The following FGFR2 variants were observed in gnomAD, a reference collection of about 807,000 sequenced individuals.
The protein encoded by FGFR2 is BEK fibroblast growth factor receptor.
FGFR2 carries 19 observed loss-of-function variants against 95.9 expected under a neutral mutation model. The ratio of observed to expected loss-of-function variants is 0.20; its 90% CI spans 0.14 to 0.29. The LOEUF is 0.29. Ranked by LOEUF, FGFR2 falls within the 10% of genes least tolerant of loss-of-function variation. The pLI is 1.00. For synonymous variants in FGFR2, 392 were observed against 393.3 expected (o/e 1.00, Z 0.04); for missense variants, 707 against 1,056.9 (o/e 0.67, Z 4.59).
At chr10:121,571,137 TGCC>T (rs1254334593) in intron 2 of FGFR2, among the ~76,000 whole-genome samples, 1 of 149,456 alleles carries the variant, frequency 6.7e-6, no homozygotes, top group Non-Finnish European at 1.5e-5. Flanking sequence ...TACAGGAGCC[TGCC>T]ACCACACCTG....
chr10:121,579,287 G>C (rs1011062901), intron 2 of FGFR2, among the ~76,000 whole-genome samples: 4 of 150,042 alleles, frequency 2.7e-5, no homozygotes, highest in Admixed American at 6.7e-5. Context: ...TGGAGGTAGT[G>C]GGGGGTCCCC....
At position 121,565,364 on chromosome 10, in the gene FGFR2, C is replaced by T. The variant is rs147764120; in HGVS notation, c.376+74G>A. On this transcript the variant is annotated intron_variant, in intron 3 of 17. Transcript: ENST00000358487. ...CATCCAATTACAATTAGAGATCTCA[C>T]TACCTTTTCACTTGGCCAAAAAAAT... 1.3e-6 allele frequency: 2 copies of T among 1,593,332 alleles called. No individual in the cohort carries two copies. Among genetic ancestry groups the T allele is most frequent in the Non-Finnish European group, 8.6e-7 (1 of 1,168,624 alleles).
At chr10:121,566,185 T>C (rs1034015635) in intron 2 of FGFR2, among the ~76,000 whole-genome samples, 2 of 152,150 alleles carry the variant, frequency 1.3e-5, no homozygotes, top group African/African-American at 4.8e-5. Context: ...CTTCTTAAAA[T>C]GAAATGTCTC....
chr10:121,544,397 T>G (rs1333105436), intron 5 of FGFR2, among the ~76,000 whole-genome samples: 1 of 149,186 alleles, frequency 6.7e-6, no homozygotes, highest in East Asian at 2.0e-4. Context: ...TGAGCCAAGG[T>G]TGCACCACTG....
chr10:121,546,245 G>A (rs893628252), intron 5 of FGFR2, among the ~76,000 whole-genome samples: 3 of 149,814 alleles, frequency 2.0e-5, no homozygotes, highest in African/African-American at 7.5e-5. Context: ...GATGCTACAC[G>A]ATGGTGATAC....
At chr10:121,488,434 A>G (rs1355096533) in intron 13 of FGFR2, among the ~76,000 whole-genome samples, 1 of 151,482 alleles carries the variant, frequency 6.6e-6, no homozygotes, top group Non-Finnish European at 1.5e-5. Flanking sequence ...CCAGCTACTC[A>G]GGAGGCTGAG....
At chr10:121,582,234 C>A (rs1241454066) in intron 2 of FGFR2, among the ~76,000 whole-genome samples, 2 of 151,996 alleles carry the variant, frequency 1.3e-5, no homozygotes, top group African/African-American at 2.4e-5. Context: ...CCAGTCCTAG[C>A]CCTTCATTTT....
At chr10:121,577,937 G>A (rs898204118) in intron 2 of FGFR2, among the ~76,000 whole-genome samples, 5 of 151,976 alleles carry the variant, frequency 3.3e-5, no homozygotes, top group African/African-American at 9.7e-5. Flanking sequence ...GCTCCAAGTC[G>A]GCCCTGAAGC....
At chr10:121,590,685 G>A (rs757575060) in intron 2 of FGFR2, among the ~76,000 whole-genome samples, 2 of 152,048 alleles carry the variant, frequency 1.3e-5, no homozygotes, top group East Asian at 1.9e-4. Flanking sequence ...GATATGATAC[G>A]ATATTGCACA....
chr10:121,576,287 C>T (rs917154085), intron 2 of FGFR2, among the ~76,000 whole-genome samples: 3 of 152,172 alleles, frequency 2.0e-5, no homozygotes, highest in Admixed American at 6.5e-5. Context: ...TAGATACTTA[C>T]GTTACAAGCT....
At chr10:121,498,466 G>C (rs773923605) in intron 12 of FGFR2, 29 bp downstream of exon 12, 1 of 1,359,426 alleles carries the variant, frequency 7.4e-7, no homozygotes, top group South Asian at 1.2e-5. Flanking sequence ...CAGAGTATTT[G>C]GGCGAATGCA....
intron 5 of FGFR2, among the ~76,000 whole-genome samples, chr10:121,539,432 T>C (rs1472888276): frequency 6.6e-6 from 1 of 152,212 alleles, no homozygotes; most frequent in Non-Finnish European, 1.5e-5. Flanking sequence ...AAGCAGCACA[T>C]GTGAAAATCA....
At position 121,542,521 on chromosome 10, in the gene FGFR2, C is replaced by T. The variant is rs143844813; in HGVS notation, c.625-3806G>A. ...AATTCTGCACCAACCAACACAAGCA[C>T]GACTCTTTTTCTTTCCTGCTCATGG... is the stretch of plus-strand genomic sequence containing the variant. On this transcript the variant is annotated intron_variant, in intron 5 of 17. Coordinates refer to ENST00000358487, the MANE Select transcript of FGFR2 (RefSeq NM_000141.5). Among the ~76,000 whole-genome samples, 21 of 152,296 alleles carry T rather than the reference C, an allele frequency of 1.4e-4. No homozygotes were observed. In the East Asian group the frequency reaches 3.3e-3, roughly 24 times the overall value.
intron 15 of FGFR2, among the ~76,000 whole-genome samples, chr10:121,487,054 T>G (rs1564856870): frequency 1.3e-5 from 2 of 152,234 alleles, no homozygotes; most frequent in South Asian, 4.1e-4. Flanking sequence ...GCCAAGAGCT[T>G]GGCGAATTAG....
intron 4 of FGFR2, among the ~76,000 whole-genome samples, chr10:121,560,028 C>CAA (rs1856722718): frequency 3.3e-5 from 5 of 152,118 alleles, no homozygotes; most frequent in African/African-American, 1.2e-4. Flanking sequence ...CAATCCATAG[C>CAA]GAGGGCACCC....
intron 7 of FGFR2, among the ~76,000 whole-genome samples, chr10:121,519,592 A>G (rs1016324409): frequency 1.3e-5 from 2 of 152,230 alleles, no homozygotes; most frequent in African/African-American, 4.8e-5. Flanking sequence ...CAATGCCTTG[A>G]GCCTACAAAG....
chr10:121,526,472 C>T (rs189229411), intron 6 of FGFR2, among the ~76,000 whole-genome samples: 3 of 152,316 alleles, frequency 2.0e-5, no homozygotes, highest in East Asian at 3.9e-4. Context: ...CTCCACCTAA[C>T]GCACTCAAGC....
chr10:121,539,014 C>T (rs895152797), intron 5 of FGFR2, among the ~76,000 whole-genome samples: 1 of 152,218 alleles, frequency 6.6e-6, no homozygotes, highest in Non-Finnish European at 1.5e-5. Context: ...GGCCAACTGG[C>T]CAGGGAGCCT....
At chr10:121,577,579 A>C (rs894476640) in intron 2 of FGFR2, among the ~76,000 whole-genome samples, 1 of 152,146 alleles carries the variant, frequency 6.6e-6, no homozygotes, top group Non-Finnish European at 1.5e-5. Flanking sequence ...TCTTATGGAC[A>C]GGAACATGTC....
Sources: allele counts gnomAD v4.1 joint callset (sites outside exome capture counted in the v4.1 genomes callset), GRCh38; gene constraint gnomAD v4.1.1; transcripts MANE v1.5; gene names NCBI Gene and HGNC (gene_info 2026-07-23, HGNC 2026-07-21).